ZNF385D: variants seen among roughly 807,000 people sequenced by gnomAD.
ZNF385D encodes zinc finger protein 659.
In ZNF385D, 15 loss-of-function variants were observed where a neutral mutation model predicts 35.8. The ratio of observed to expected loss-of-function variants is 0.42; its 90% CI spans 0.28 to 0.64. The LOEUF (loss-of-function observed/expected upper bound fraction) is 0.64, where lower values mean the gene tolerates loss of function less well. ZNF385D is among the 30% of genes least tolerant of loss of function. ZNF385D has a pLI of 0.23. For missense variants in ZNF385D, 474 were observed against 494.6 expected (o/e 0.96, Z 0.39); for synonymous variants, 212 against 186.8 (o/e 1.13, Z -1.10).
At chr3:21,424,130 G>T in intron 6 of ZNF385D, 66 bp from the exon 7 acceptor site, 2 of 1,367,998 alleles carry the variant, frequency 1.5e-6, no homozygotes, top group Non-Finnish European at 2.0e-6. Flanking sequence ...CACAAATATT[G>T]CTTTAACCTG....
intron 3 of ZNF385D, among the ~76,000 whole-genome samples, chr3:21,554,686 A>G (rs1004817577): frequency 8.5e-5 from 13 of 152,178 alleles, no homozygotes; most frequent in Non-Finnish European, 1.8e-4. Context: ...TGGGTAGTGT[A>G]GCCATCTTTT....
intron 2 of ZNF385D, among the ~76,000 whole-genome samples, chr3:21,647,427 C>T (rs1221835765): frequency 6.6e-6 from 1 of 151,010 alleles, no homozygotes; most frequent in Non-Finnish European, 1.5e-5. Flanking sequence ...CTCTCACTTC[C>T]TCACTCCCTT....
chr3:21,762,967 A>G (rs557068931), intron 3 of ZNF385D, among the ~76,000 whole-genome samples: 1 of 152,196 alleles, frequency 6.6e-6, no homozygotes, highest in Non-Finnish European at 1.5e-5. Flanking sequence ...CCTCATAAAC[A>G]TCCTGCATGC....
At chr3:22,287,527 A>G (rs1486985829) in intron 2 of ZNF385D, among the ~76,000 whole-genome samples, 1 of 151,906 alleles carries the variant, frequency 6.6e-6, no homozygotes, top group Admixed American at 6.6e-5. Context: ...TGTACCTACT[A>G]TGGGTTTTTG....
intron 2 of ZNF385D, among the ~76,000 whole-genome samples, chr3:22,304,190 G>A (rs1179415979): frequency 6.6e-6 from 1 of 152,060 alleles, no homozygotes; most frequent in Admixed American, 6.6e-5. Context: ...GTTTCTTCTT[G>A]TTTTCTCTAA....
rs1368520481 is a variant in ZNF385D, at chr3:22,111,356, T to C, written c.325+57461A>G. Among the ~76,000 whole-genome samples the C allele has an allele frequency of 3.3e-5, 5 of 151,854 alleles. No individual in the cohort carries two copies. In the South Asian group the frequency reaches 1.0e-3, roughly 32 times the overall value. On this transcript the variant is annotated intron_variant, in intron 3 of 5. Coordinates refer to the ZNF385D transcript ENST00000494108. ...AATATGTATGAGAGCTTCAATTTAG[T>C]AAGTTCAAGCAGATGCTAGCAGAGC...
At chr3:21,757,130 TTTTTTTTTTG>T (rs1304802315) in intron 3 of ZNF385D, among the ~76,000 whole-genome samples, 3 of 131,578 alleles carry the variant, frequency 2.3e-5, no homozygotes, top group Non-Finnish European at 4.9e-5. Flanking sequence ...CTTTTTTTTT[TTTTTTTTTTG>T]TTTTCTTGAG....
chr3:21,738,032 A>G (rs2069330299), intron 1 of ZNF385D, among the ~76,000 whole-genome samples: 1 of 152,210 alleles, frequency 6.6e-6, no homozygotes, highest in South Asian at 2.1e-4. Context: ...AGGATTTTAT[A>G]TCTCCAGCCC....
At chr3:21,665,503 A>G (rs973540607) in intron 1 of ZNF385D, among the ~76,000 whole-genome samples, 8 of 152,236 alleles carry the variant, frequency 5.3e-5, no homozygotes, top group Non-Finnish European at 8.8e-5. Context: ...AACTTGGCAC[A>G]TAAAAGAAAT....
chr3:21,688,960 C>G (rs2067194990), intron 1 of ZNF385D, among the ~76,000 whole-genome samples: 1 of 151,840 alleles, frequency 6.6e-6, no homozygotes. Context: ...AGAAGATTGC[C>G]GTCTAGTTAA....
At chr3:21,970,605 A>G (rs1442760028) in intron 3 of ZNF385D, among the ~76,000 whole-genome samples, 1 of 149,200 alleles carries the variant, frequency 6.7e-6, no homozygotes, top group Non-Finnish European at 1.5e-5. Flanking sequence ...GGCCTTAAAG[A>G]GTAGAGAGAG....
intron 4 of ZNF385D, among the ~76,000 whole-genome samples, chr3:21,441,942 A>G (rs746809070): frequency 1.3e-5 from 2 of 152,148 alleles, no homozygotes; most frequent in Non-Finnish European, 2.9e-5. Context: ...TTTTTCTGCC[A>G]GCGCCCTGTA....
intron 4 of ZNF385D, among the ~76,000 whole-genome samples, chr3:21,489,320 G>C (rs796439967): frequency 1.1e-4 from 16 of 152,146 alleles, no homozygotes; most frequent in African/African-American, 3.9e-4. Context: ...CTTTCCTGGG[G>C]CTATTAAATC....
intron 3 of ZNF385D, among the ~76,000 whole-genome samples, chr3:22,043,777 T>G (rs1195599583): frequency 6.6e-6 from 1 of 152,098 alleles, no homozygotes; most frequent in African/African-American, 2.4e-5. Context: ...AATGACAGGT[T>G]GTCATTTCCA....
chr3:22,313,593 A>T (rs1210951731), intron 2 of ZNF385D, among the ~76,000 whole-genome samples: 1 of 152,098 alleles, frequency 6.6e-6, no homozygotes, highest in Non-Finnish European at 1.5e-5. Flanking sequence ...TTTATGGTTA[A>T]GGGAAAAAAA....
intron 3 of ZNF385D, among the ~76,000 whole-genome samples, chr3:22,143,478 A>G (rs564709982): frequency 6.6e-6 from 1 of 152,320 alleles, no homozygotes; most frequent in South Asian, 2.1e-4. Context: ...TGTGCTCTCC[A>G]GAAGTACCCA....
chr3:21,945,685 T>G (rs747367396), intron 3 of ZNF385D, among the ~76,000 whole-genome samples: 1 of 152,218 alleles, frequency 6.6e-6, no homozygotes, highest in Non-Finnish European at 1.5e-5. Flanking sequence ...AGTGATCCTC[T>G]GCCCAATTGA....
At chr3:22,191,834 A>G (rs970201920) in intron 2 of ZNF385D, among the ~76,000 whole-genome samples, 2 of 152,200 alleles carry the variant, frequency 1.3e-5, no homozygotes, top group South Asian at 4.1e-4. Context: ...TTACCACTTC[A>G]TGAGAAAAAC....
intron 2 of ZNF385D, among the ~76,000 whole-genome samples, chr3:22,196,481 TC>T (rs1306174112): frequency 6.6e-6 from 1 of 152,132 alleles, no homozygotes; most frequent in East Asian, 1.9e-4. Context: ...CATTCTTTTT[TC>T]TTTCTCTTGC....
Sources: allele counts gnomAD v4.1 joint callset (sites outside exome capture counted in the v4.1 genomes callset), GRCh38; gene constraint gnomAD v4.1.1; transcripts MANE v1.5; gene names NCBI Gene and HGNC (gene_info 2026-07-23, HGNC 2026-07-21).